Variants in KCTD2 observed in about 807,000 individuals in gnomAD.
KCTD2 encodes potassium channel tetramerization domain containing 2.
Under a neutral mutation model 27.9 loss-of-function variants are expected in KCTD2, and 18 were observed. The ratio of observed to expected loss-of-function variants is 0.64; its 90% CI spans 0.45 to 0.96. KCTD2 has a LOEUF of 0.96. Ranked by LOEUF, KCTD2 falls within the 40% of genes least tolerant of loss-of-function variation. KCTD2 has a pLI of 0.00. For missense variants in KCTD2, 280 were observed against 348.0 expected, an observed-to-expected ratio of 0.80 and a Z score of 1.56; for synonymous variants, 175 against 148.4, an observed-to-expected ratio of 1.18 and a Z score of -1.30.
At chr17:75,059,292 T>C in intron 3 of KCTD2, 1 of 374,612 alleles carries the variant, frequency 2.7e-6, no homozygotes. Flanking sequence ...CACAGTATGC[T>C]GGCTTGTGGT....
rs925846343 is a variant in KCTD2 at position 75,065,426 on chromosome 17, C to G, written c.*2379C>G. On this transcript the variant is annotated 3_prime_UTR_variant, in exon 6 of 6. Coordinates refer to ENST00000322444, the MANE Select transcript of KCTD2 (RefSeq NM_015353.3). ...TCTGCGTGGCAGTTTGGGGCTGTCA[C>G]GTGACCAGTGACCCACACTCTCTGC... 1 of 152,242 alleles carries G rather than the reference C, an allele frequency of 6.6e-6. No individual in the cohort carries two copies. The highest frequency in any genetic ancestry group is 1.5e-5 in the Non-Finnish European group (1 of 68,082). 9.4% of individuals were successfully genotyped at this position (152,242 alleles called of 1,614,324 possible). A position where few individuals can be genotyped will look rare whatever the true frequency, so the allele number is the denominator to read the frequency against.
At position 75,053,858 on chromosome 17, in the gene KCTD2, C is replaced by CTTTTTTTTTTTTTTTTTTT. The variant is rs71159419; in HGVS notation, c.540+761_540+779dup. Among the ~76,000 whole-genome samples, 9 of 59,322 alleles carry CTTTTTTTTTTTTTTTTTTT rather than the reference C, an allele frequency of 1.5e-4. 2 individuals are homozygous for CTTTTTTTTTTTTTTTTTTT. The highest frequency in any genetic ancestry group is 2.9e-4 in the African/African-American group (3 of 10,350). 38.9% of individuals were successfully genotyped at this position (59,322 alleles called of 152,430 possible). ...CTTCAGCAGCTGCTTGTGAACCATG[C>CTTTTTTTTTTTTTTTTTTT]TTTTTTTTTTTTTTTTTTTTTTTTT... On this transcript the variant is annotated intron_variant, in intron 3 of 5. Transcript: ENST00000322444.
intron 2 of KCTD2, among the ~76,000 whole-genome samples, chr17:75,049,911 A>G (rs1053059833): frequency 6.6e-6 from 1 of 152,210 alleles, no homozygotes; most frequent in African/African-American, 2.4e-5. Flanking sequence ...AAGGCTTGGC[A>G]TGGTCCCACT....
chr17:75,062,061 A>C (rs1333611650), intron 4 of KCTD2, 59 bp from the exon 5 acceptor site: 3 of 1,601,124 alleles, frequency 1.9e-6, no homozygotes, highest in Non-Finnish European at 2.6e-6. Flanking sequence ...TTTGTGTAGC[A>C]CTTTCGAAAG....
rs1158731261 is a variant in KCTD2, at chr17:75,059,716, G to A, written c.636+111G>A. ...TAACCACGGGAGACGGCTACGGCCA[G>A]GTGGGATCCTATTCCAAAACATGGG... On this transcript the variant is annotated intron_variant, in intron 4 of 5. Coordinates refer to ENST00000322444, the MANE Select transcript of KCTD2 (RefSeq NM_015353.3). 4 of 774,032 alleles carry A rather than the reference G, an allele frequency of 5.2e-6. No homozygotes were observed. The Admixed American group carries it at 7.6e-5, about 15-fold the overall frequency. 47.9% of individuals were successfully genotyped at this position (774,032 alleles called of 1,614,324 possible). A position where few individuals can be genotyped will look rare whatever the true frequency, so the allele number is the denominator to read the frequency against.
chr17:75,035,025 C>T (rs1188278182), intron 2 of KCTD2, among the ~76,000 whole-genome samples: 1 of 152,080 alleles, frequency 6.6e-6, no homozygotes, highest in Non-Finnish European at 1.5e-5. Context: ...GCTCAACAGG[C>T]GGCCAGGGTG....
At chr17:75,039,152 G>A (rs2073132368) in intron 3 of KCTD2, 15 of 1,611,572 alleles carry the variant, frequency 9.3e-6, no homozygotes, top group Admixed American at 1.7e-5. Context: ...GGTGAAAGAT[G>A]TGTGGTCATG....
chr17:75,060,231 A>ATTTT (rs879689813), intron 4 of KCTD2, among the ~76,000 whole-genome samples: 11 of 145,724 alleles, frequency 7.5e-5, no homozygotes, highest in Non-Finnish European at 1.4e-4. Context: ...AGTAAATACA[A>ATTTT]TTTTTTTTTT....
chr17:75,053,873 T>G (rs942476090), intron 3 of KCTD2, among the ~76,000 whole-genome samples: 1 of 140,510 alleles, frequency 7.1e-6, no homozygotes, highest in African/African-American at 2.7e-5. Context: ...TTTTTTTTTT[T>G]TTTTTTTTTT....
At chr17:75,033,936 C>T (rs563094773) in intron 1 of KCTD2, 13 of 152,382 alleles carry the variant, frequency 8.5e-5, no homozygotes, top group African/African-American at 2.2e-4. Context: ...AAGGCACTGG[C>T]CTCCTAAGCC....
chr17:75,034,687 G>A (rs567277890), intron 2 of KCTD2, among the ~76,000 whole-genome samples: 8 of 152,260 alleles, frequency 5.3e-5, no homozygotes, highest in African/African-American at 1.9e-4. Context: ...CGACGCGCGG[G>A]GACCAGGAGC....
Position 75,039,583 on chromosome 17 carries a change from G to T in KCTD2, c.-259+4226G>T. 1.2e-5 allele frequency: 4 copies of T among 346,442 alleles called. No individual in the cohort carries two copies. In the South Asian group the frequency reaches 1.7e-4, roughly 15 times the overall value. 21.5% of individuals were successfully genotyped at this position (346,442 alleles called of 1,614,324 possible). On this transcript the variant is annotated intron_variant, in intron 3 of 7. Transcript: ENST00000581589. ...TGAATGGTCAGGACACGCCACCTGAGCACCTAGCCAGACTTCTCTCTGGTG... is the reference window on the plus strand; with the variant it reads ...TGAATGGTCAGGACACGCCACCTGATCACCTAGCCAGACTTCTCTCTGGTG...
intron 3 of KCTD2, among the ~76,000 whole-genome samples, chr17:75,054,960 G>A (rs1181466328): frequency 6.6e-6 from 1 of 152,076 alleles, no homozygotes; most frequent in African/African-American, 2.4e-5. Flanking sequence ...TAGCATAATT[G>A]CCTCTTTTCC....
chr17:75,049,246 C>T lies in KCTD2; in HGVS notation c.366C>T (p.Asp122=). 1 of 1,612,990 alleles carries T rather than the reference C, an allele frequency of 6.2e-7. No homozygotes were observed. Among genetic ancestry groups the T allele is most frequent in the Non-Finnish European group, 8.5e-7 (1 of 1,178,966 alleles). ...DKDETGAYLI[D]RDPTYFGPIL... Reference sequence around the variant, plus strand: ...ATGAGACAGGAGCCTATCTGATTGACAGGGACCCCACCTACTTTGGTCCTA... The same window carrying T: ...ATGAGACAGGAGCCTATCTGATTGATAGGGACCCCACCTACTTTGGTCCTA... The change falls in exon 2 of 6, where the codon GAC becomes GAT. Residue 122 remains aspartate (D), a synonymous_variant. Transcript: ENST00000322444.
Position 75,053,063 on chromosome 17 carries a change from G to A in KCTD2, c.498G>A (p.Leu166=). Reference sequence around the variant, plus strand: ...ACAACATCGCGTCCCTTGTGCGGCTGGTTAAGGAAAGGATACGGGACAATG... The same window carrying A: ...ACAACATCGCGTCCCTTGTGCGGCTAGTTAAGGAAAGGATACGGGACAATG... ...EFYNIASLVR[L]VKERIRDNEN... Residue 166 remains leucine, a synonymous_variant, in exon 3 of 6, where the codon CTG becomes CTA. Transcript: ENST00000322444. The A allele has an allele frequency of 6.2e-7, 1 of 1,614,092 alleles. No individual in the cohort carries two copies. Among genetic ancestry groups the A allele is most frequent in the African/African-American group, 1.3e-5 (1 of 75,016 alleles).
At chr17:75,045,841 T>C (rs1380805092), upstream of KCTD2, among the ~76,000 whole-genome samples, 2 of 152,192 alleles carry the variant, frequency 1.3e-5, no homozygotes, top group African/African-American at 4.8e-5. Flanking sequence ...AAGACAGGCA[T>C]AGGAAATCAG....
chr17:75,050,879 T>C (rs573944559), intron 2 of KCTD2, among the ~76,000 whole-genome samples: 31 of 152,122 alleles, frequency 2.0e-4, no homozygotes, highest in Non-Finnish European at 3.5e-4. Flanking sequence ...GTCTATCTTA[T>C]CTTGCCCAGG....
chr17:75,054,184 A>C (rs1048681575), intron 3 of KCTD2, among the ~76,000 whole-genome samples: 1 of 150,952 alleles, frequency 6.6e-6, no homozygotes, highest in Non-Finnish European at 1.5e-5. Context: ...CACCTGGCTA[A>C]TTTTTTGTAT....
intron 1 of KCTD2, among the ~76,000 whole-genome samples, chr17:75,033,792 A>C (rs1485545359): frequency 1.3e-5 from 2 of 152,200 alleles, no homozygotes; most frequent in Non-Finnish European, 2.9e-5. Flanking sequence ...GCTCACCAAA[A>C]GTGCGCGCGG....
Sources: gnomAD v4.1 joint callset for allele counts (sites outside exome capture counted in the v4.1 genomes callset) on GRCh38, gnomAD v4.1.1 for gene constraint, MANE v1.5 for transcripts, NCBI Gene and HGNC (gene_info 2026-07-23, HGNC 2026-07-21) for gene names.